The following NUP210L variants were observed in gnomAD, a reference collection of about 807,000 sequenced individuals.
The protein encoded by NUP210L is nuclear pore membrane glycoprotein 210-like.
A neutral mutation model predicts 208.5 loss-of-function variants in NUP210L; 74 were observed. That is an observed-to-expected ratio of 0.35 (90% CI 0.29 to 0.43). NUP210L has a LOEUF of 0.43. Among genes scored for constraint, NUP210L ranks in the 20% least tolerant of loss-of-function variants. NUP210L has a pLI of 1.00. For synonymous variants in NUP210L, 780 were observed against 816.9 expected, an observed-to-expected ratio of 0.95 and a Z score of 0.77; for missense variants, 1,843 against 2,289.4, an observed-to-expected ratio of 0.81 and a Z score of 3.98.
At chr1:154,019,930 A>C (rs536188674) in intron 32 of NUP210L, among the ~76,000 whole-genome samples, 1 of 152,328 alleles carries the variant, frequency 6.6e-6, no homozygotes, top group African/African-American at 2.4e-5. Context: ...CTGTCTCAAA[A>C]AAACAAACAA....
intron 32 of NUP210L, 24 bp from the exon 33 acceptor site, chr1:154,019,093 C>G (rs1483147810): frequency 1.2e-6 from 2 of 1,613,010 alleles, no homozygotes; most frequent in Non-Finnish European, 1.7e-6. Context: ...AGAGAAAACA[C>G]TTGGCTGAAG....
chr1:154,028,499 A>G (rs1652028152), intron 28 of NUP210L, among the ~76,000 whole-genome samples: 1 of 152,124 alleles, frequency 6.6e-6, no homozygotes, highest in Non-Finnish European at 1.5e-5. Flanking sequence ...AGGCAGGAGA[A>G]TCACTTGTAC....
intron 37 of NUP210L, chr1:153,995,919 G>C: frequency 1.9e-6 from 1 of 527,072 alleles, no homozygotes; most frequent in Non-Finnish European, 3.7e-6. Flanking sequence ...GCAGAAAATT[G>C]TTGTGAAAGT....
At chr1:154,059,172 C>CCAAAA in intron 20 of NUP210L, among the ~76,000 whole-genome samples, 2 of 152,118 alleles carry the variant, frequency 1.3e-5, no homozygotes, top group East Asian at 3.9e-4. Context: ...CTGTCTTTAC[C>CCAAAA]CAAAACAAAA....
intron 37 of NUP210L, 97 bp from the exon 38 acceptor site, chr1:153,995,277 A>G (rs1317193036): frequency 1.1e-5 from 9 of 826,010 alleles, no homozygotes; most frequent in Non-Finnish European, 1.6e-5. Context: ...ACAGAGTTTT[A>G]CTCTCACTCT....
intron 18 of NUP210L, 124 bp from the exon 19 acceptor site, chr1:154,061,170 G>T: frequency 1.6e-6 from 1 of 616,752 alleles, no homozygotes; most frequent in Non-Finnish European, 2.8e-6. Flanking sequence ...CTGAGGCCAG[G>T]AGTTTGAGAC....
intron 17 of NUP210L, among the ~76,000 whole-genome samples, chr1:154,062,567 CTTTTT>C (rs34499821): frequency 4.0e-5 from 3 of 74,992 alleles, no homozygotes; most frequent in African/African-American, 1.1e-4. Flanking sequence ...TTTCTTTTTC[CTTTTT>C]TTTTTTTTTT....
At chr1:154,024,244 AAGAG>A (rs1420199860) in intron 30 of NUP210L, among the ~76,000 whole-genome samples, 1 of 152,186 alleles carries the variant, frequency 6.6e-6, no homozygotes, top group Non-Finnish European at 1.5e-5. Context: ...TTCACACTGT[AAGAG>A]AGCTGTGATA....
chr1:154,082,321 T>A (rs766011162), intron 16 of NUP210L, among the ~76,000 whole-genome samples: 44 of 152,182 alleles, frequency 2.9e-4, no homozygotes, highest in Non-Finnish European at 4.6e-4. Flanking sequence ...TGCATATTGG[T>A]GTCAGAATTG....
chr1:154,139,909 T>C (rs1658749214), exon 5 of NUP210L: 1 of 1,610,946 alleles, frequency 6.2e-7, no homozygotes, highest in Admixed American at 1.7e-5. Context: ...ATCTCAGCTA[T>C]ATATATTGGG....
At chr1:153,995,611 C>A in intron 37 of NUP210L, 1 of 933,542 alleles carries the variant, frequency 1.1e-6, no homozygotes, top group Non-Finnish European at 1.7e-6. Flanking sequence ...CTTCCAGGGA[C>A]GTTGTCTGCA....
In NUP210L at chr1:154,123,050, CAA is replaced by C. The variant is rs112543992; in HGVS notation, c.1326+3271_1326+3272del. Among the ~76,000 whole-genome samples the C allele has an allele frequency of 2.4e-3, 203 of 83,708 alleles. 1 individual carries two copies. Among genetic ancestry groups the C allele is most frequent in the South Asian group, 2.7e-3 (8 of 2,974 alleles). The allele number at this position is 83,708 out of a possible 152,430, so 54.9% of individuals were successfully genotyped here. A position where few individuals can be genotyped will look rare whatever the true frequency, so the allele number is the denominator to read the frequency against. ...TGGGTAACAGAGTGAGACCCTGTCTCAAAAAAAAAAAAAAAAAAACCACAAAA... is the reference window on the plus strand; with the variant it reads ...TGGGTAACAGAGTGAGACCCTGTCTCAAAAAAAAAAAAAAAAACCACAAAA... On this transcript the variant is annotated intron_variant, in intron 10 of 39. Transcript: ENST00000368559.
intron 10 of NUP210L, among the ~76,000 whole-genome samples, chr1:154,119,868 CTT>C (rs1475712140): frequency 1.3e-5 from 2 of 152,166 alleles, no homozygotes; most frequent in African/African-American, 4.8e-5. Context: ...GTGCATGTGT[CTT>C]TATAGCAGCA....
rs1310870151 is a variant in NUP210L, at chr1:154,152,745, G to A, written c.331C>T (p.Arg111Ter). The change falls in exon 2 of 40, where the codon CGA becomes TGA. Residue 111 changes from arginine to a stop codon, truncating the protein, a stop_gained. Coordinates refer to ENST00000368559, the Ensembl canonical transcript of NUP210L. LOFTEE classifies it high-confidence loss of function. Reference sequence around the variant, plus strand: ...TTTGCTCTCAACATACCTATTTCTCGAGCAAGAATAATACTGCTGAGGCGT... The same window carrying A: ...TTTGCTCTCAACATACCTATTTCTCAAGCAAGAATAATACTGCTGAGGCGT... 2 of 1,613,566 alleles carry A rather than the reference G, an allele frequency of 1.2e-6. No homozygotes were observed. Among genetic ancestry groups the A allele is most frequent in the Non-Finnish European group, 1.7e-6 (2 of 1,179,780 alleles).
chr1:154,016,837 G>C (rs1651272986), intron 33 of NUP210L, among the ~76,000 whole-genome samples: 1 of 152,044 alleles, frequency 6.6e-6, no homozygotes, highest in Non-Finnish European at 1.5e-5. Flanking sequence ...ATGGCGGCAT[G>C]CACCTGTAGT....
chr1:154,140,127 C>A (rs574123778), intron 4 of NUP210L, among the ~76,000 whole-genome samples, 175 bp from the exon 5 acceptor site: 78 of 150,454 alleles, frequency 5.2e-4, no homozygotes, highest in African/African-American at 1.8e-3. Flanking sequence ...AAGGCGGGCA[C>A]ATCACTTGAG....
intron 12 of NUP210L, among the ~76,000 whole-genome samples, chr1:154,113,365 T>C (rs1317268826): frequency 1.3e-5 from 2 of 151,552 alleles, no homozygotes; most frequent in African/African-American, 2.4e-5. Flanking sequence ...GCTAAACATA[T>C]CACTCTACAT....
intron 33 of NUP210L, among the ~76,000 whole-genome samples, chr1:154,015,280 T>C (rs1457527668): frequency 7.5e-6 from 1 of 133,208 alleles, no homozygotes; most frequent in East Asian, 2.2e-4. Context: ...TACTGGATGT[T>C]AAAAAAAAAA....
intron 25 of NUP210L, among the ~76,000 whole-genome samples, chr1:154,047,834 G>A (rs143091770): frequency 7.2e-4 from 109 of 152,204 alleles, no homozygotes; most frequent in African/African-American, 1.7e-3. Flanking sequence ...GGGTCTCCAC[G>A]ACTGAGCTGA....
Sources: allele counts gnomAD v4.1 joint callset (sites outside exome capture counted in the v4.1 genomes callset), GRCh38; gene constraint gnomAD v4.1.1; transcripts MANE v1.5; gene names NCBI Gene and HGNC (gene_info 2026-07-23, HGNC 2026-07-21).